PELP1: variants seen among roughly 807,000 people sequenced by gnomAD.
PELP1 encodes proline-, glutamic acid- and leucine-rich protein 1.
PELP1 carries 32 observed loss-of-function variants against 95.5 expected under a neutral mutation model. That is an observed-to-expected ratio of 0.34 (90% confidence interval 0.25 to 0.45). The LOEUF is 0.45. Ranked by LOEUF, PELP1 falls within the 20% of genes least tolerant of loss-of-function variation. The pLI is 1.00. For synonymous variants in PELP1, 668 were observed against 600.1 expected (o/e 1.11, Z -1.65); for missense variants, 1,358 against 1,444.8 (o/e 0.94, Z 0.97).
At chr17:4,697,423 C>T (rs373881482) in intron 1 of PELP1, among the ~76,000 whole-genome samples, 2 of 152,134 alleles carry the variant, frequency 1.3e-5, no homozygotes, top group East Asian at 1.9e-4. Context: ...CTGAGCAGGG[C>T]GGACTGCCTC....
At position 4,675,349 on chromosome 17, in the gene PELP1, TCTC is replaced by T; in HGVS notation, c.1079_1081del (p.Gly360del). ...CAGCAGCAGCAGCCGCAGGGGACCA[TCTC>T]CATGCAAGCTCTGGAGAAAAAAGGG... On this transcript the variant is annotated inframe_deletion, in exon 10 of 17. Coordinates refer to ENST00000572293, the MANE Select transcript of PELP1 (RefSeq NM_014389.3). This position sits in a 1 kb window ranked among gnomAD's most constrained non-coding sequence, Gnocchi z 4.3. The T allele has an allele frequency of 6.5e-7, 1 of 1,547,168 alleles. No homozygotes were observed. Among genetic ancestry groups the T allele is most frequent in the Non-Finnish European group, 8.8e-7 (1 of 1,142,402 alleles).
intron 1 of PELP1, among the ~76,000 whole-genome samples, chr17:4,701,345 C>T (rs922556136): frequency 6.6e-6 from 1 of 151,512 alleles, no homozygotes; most frequent in African/African-American, 2.4e-5. Flanking sequence ...GGGCACTGCA[C>T]AGGGAGGGAT....
rs180756613 is a variant in PELP1, at chr17:4,695,179, G to A, written c.250-3737C>T. 3.5e-3 allele frequency among the ~76,000 whole-genome samples: 522 copies of A among 149,482 alleles called. 4 individuals are homozygous for A. Among genetic ancestry groups the A allele is most frequent in the South Asian group, 9.0e-3 (42 of 4,674 alleles). ...CTACTGAAAAATACAAAAATTAGCC[G>A]GACATGGTGGCGGGCGCCCGTAATC... is the stretch of plus-strand genomic sequence containing the variant. On this transcript the variant is annotated intron_variant, in intron 1 of 16. Coordinates refer to ENST00000572293, the MANE Select transcript of PELP1 (RefSeq NM_014389.3).
Position 4,671,046 on chromosome 17 carries a change from G to A in PELP1, c.*393C>T. 1 of 230,136 alleles carries A rather than the reference G, an allele frequency of 4.3e-6. No individual in the cohort carries two copies. Among genetic ancestry groups the A allele is most frequent in the Admixed American group, 5.6e-5 (1 of 17,906 alleles). 14.3% of individuals were successfully genotyped at this position (230,136 alleles called of 1,614,324 possible). ...TGAGCACGCATGCGTGTGGGCATGT[G>A]GGTGTTGACACAGGTCCACTCACTA... is the stretch of plus-strand genomic sequence containing the variant. On this transcript the variant is annotated 3_prime_UTR_variant, in exon 17 of 17. Transcript: ENST00000572293.
chr17:4,690,994 CT>C lies in PELP1; in HGVS notation c.315-2del. 6.2e-7 allele frequency: 1 copy of C among 1,609,002 alleles called. No homozygotes were observed. The highest frequency in any genetic ancestry group is 8.5e-7 in the Non-Finnish European group (1 of 1,175,476). On this transcript the variant is annotated splice_acceptor_variant, in intron 2 of 16. Transcript: ENST00000572293. LOFTEE classifies it high-confidence loss of function. ...GGACAGCAGACACAGGCCCTCAAAC[CT>C]TCAAAGAAAGAAGAGAGTCATGTTA...
At chr17:4,688,659 T>C (rs1225098448) in intron 3 of PELP1, among the ~76,000 whole-genome samples, 4 of 152,116 alleles carry the variant, frequency 2.6e-5, no homozygotes, top group African/African-American at 7.2e-5. Context: ...AAGACCTCTA[T>C]AAGGAAAAAC....
At chr17:4,676,698 A>C in intron 6 of PELP1, 55 bp downstream of exon 6, 1 of 1,476,972 alleles carries the variant, frequency 6.8e-7, no homozygotes, top group Non-Finnish European at 9.3e-7. Flanking sequence ...AGGAGCAGCA[A>C]GAGACAATCC....
intron 5 of PELP1, among the ~76,000 whole-genome samples, chr17:4,679,298 T>G (rs567064326): frequency 6.6e-6 from 1 of 152,168 alleles, no homozygotes; most frequent in East Asian, 1.9e-4. Context: ...GGTAAGACAC[T>G]CCCTGGAAGG....
intron 3 of PELP1, among the ~76,000 whole-genome samples, chr17:4,690,300 A>G (rs1913052445): frequency 6.6e-6 from 1 of 152,130 alleles, no homozygotes; most frequent in Non-Finnish European, 1.5e-5. Flanking sequence ...GGTGAGGGAT[A>G]AAAAACTACA....
At chr17:4,679,916 G>A (rs978103847) in intron 5 of PELP1, among the ~76,000 whole-genome samples, 1 of 152,112 alleles carries the variant, frequency 6.6e-6, no homozygotes, top group Non-Finnish European at 1.5e-5. Flanking sequence ...AGTTACTAAC[G>A]ACACTGCAGG....
chr17:4,692,640 G>A (rs1913152789), intron 1 of PELP1, among the ~76,000 whole-genome samples: 1 of 152,100 alleles, frequency 6.6e-6, no homozygotes, highest in African/African-American at 2.4e-5. Flanking sequence ...GCAGAGTAAG[G>A]AAGGAAAGGA....
In PELP1 at chr17:4,673,747, C is replaced by A. The variant is rs1031411077; in HGVS notation, c.1583-73G>T. ...CGGCAAGGGCTTCTGAAGCATACAG[C>A]CCAAAATGGGCATCAACTCTGCCAC... On this transcript the variant is annotated intron_variant, in intron 13 of 16. Coordinates refer to ENST00000572293, the MANE Select transcript of PELP1 (RefSeq NM_014389.3). The surrounding 1 kb of genome is among the most constrained non-coding windows in gnomAD (Gnocchi z 5.7). 37 of 1,299,038 alleles carry A rather than the reference C, an allele frequency of 2.8e-5. No individual in the cohort carries two copies. The highest frequency in any genetic ancestry group is 4.0e-5 in the Non-Finnish European group (36 of 892,936). 80.5% of individuals were successfully genotyped at this position (1,299,038 alleles called of 1,614,324 possible).
rs749038727 is a variant in PELP1 at position 4,672,509 on chromosome 17, C to G, written c.2482G>C (p.Glu828Gln). Residue 828 changes from glutamate (E) to glutamine (Q), a missense_variant, in exon 16 of 17, where the codon GAG becomes CAG. This residue lies in a region of PELP1 where 340 missense variants were observed against 322.9 expected (regional missense o/e 1.05). Transcript: ENST00000572293. ...TASPPVPAKE[E>Q]PEELPAAPGP... ...GGGGCTGCAGGAAGTTCTTCAGGCT[C>G]CTCCTTCGCTGGCACAGGAGGGGAG... 1.9e-6 allele frequency: 3 copies of G among 1,582,104 alleles called. No homozygotes were observed. The African/African-American group carries it at 4.0e-5, about 21-fold the overall frequency.
chr17:4,702,897 C>T lies in PELP1; in HGVS notation c.249+966G>A, dbSNP rs561601632. Among the ~76,000 whole-genome samples, 3 of 152,088 alleles carry T rather than the reference C, an allele frequency of 2.0e-5. 1 individual carries two copies. In the South Asian group the frequency reaches 6.2e-4, roughly 32 times the overall value. On this transcript the variant is annotated intron_variant, in intron 1 of 16. Coordinates refer to ENST00000572293, the MANE Select transcript of PELP1 (RefSeq NM_014389.3). ...CCTTCTTAGAATCAGTGCCTTCACC[C>T]GGACAAGATGGTGGGGGTTCAAGCT...
At chr17:4,693,726 ACTC>A (rs1451033325) in intron 1 of PELP1, among the ~76,000 whole-genome samples, 5 of 152,102 alleles carry the variant, frequency 3.3e-5, no homozygotes, top group African/African-American at 1.2e-4. Context: ...ATGAAGCAGA[ACTC>A]CTCGAGAGTC....
rs146456763 is a variant in PELP1 at position 4,682,126 on chromosome 17, C to A, written c.642+376G>T. On this transcript the variant is annotated intron_variant, in intron 5 of 16. Transcript: ENST00000572293. ...AGTGAGCCAAGTGTGTGCCACTGCA[C>A]CCCAGCCTGGACAACAGAGTAAGAC... Among the ~76,000 whole-genome samples, 7 of 152,246 alleles carry A rather than the reference C, an allele frequency of 4.6e-5. No homozygotes were observed. In the East Asian group the frequency reaches 1.2e-3, roughly 25 times the overall value.
intron 1 of PELP1, among the ~76,000 whole-genome samples, chr17:4,694,458 C>A (rs1485596568): frequency 7.9e-6 from 1 of 127,344 alleles, no homozygotes; most frequent in Non-Finnish European, 1.6e-5. Flanking sequence ...TTGAGACCAG[C>A]CTGGCCAACA....
Position 4,701,685 on chromosome 17 carries a change from G to A in PELP1, c.249+2178C>T, listed in dbSNP as rs191239893. On this transcript the variant is annotated intron_variant, in intron 1 of 16. Coordinates refer to ENST00000572293, the MANE Select transcript of PELP1 (RefSeq NM_014389.3). ...GCTCGCAAGCTCCAGGTCTATTGCT[G>A]ACTTTCATTTCTCATCTTAACTAGA... Among the ~76,000 whole-genome samples the A allele has an allele frequency of 8.6e-4, 131 of 152,302 alleles. 1 individual carries two copies. Among genetic ancestry groups the A allele is most frequent in the African/African-American group, 3.0e-3 (125 of 41,560 alleles).
At chr17:4,691,330 T>A (rs374062205) in intron 2 of PELP1, 48 bp downstream of exon 2, 24 of 1,360,148 alleles carry the variant, frequency 1.8e-5, no homozygotes, top group Non-Finnish European at 2.3e-5. Context: ...ATATGCCCAC[T>A]TCCTAAGGGA....
Sources: allele counts gnomAD v4.1 joint callset (sites outside exome capture counted in the v4.1 genomes callset), GRCh38; gene constraint gnomAD v4.1.1; regional missense constraint gnomAD v4.1.1; non-coding constraint Gnocchi (gnomAD v3.1); transcripts MANE v1.5; gene names NCBI Gene and HGNC (gene_info 2026-07-23, HGNC 2026-07-21).